OSBPL1A: variants seen among roughly 807,000 people sequenced by gnomAD.
OSBPL1A encodes the protein oxysterol binding protein like 1A.
OSBPL1A carries 80 observed loss-of-function variants against 137.1 expected under a neutral mutation model. The ratio of observed to expected loss-of-function variants is 0.58; its 90% CI spans 0.49 to 0.70. The LOEUF is 0.70. OSBPL1A is among the 30% of genes least tolerant of loss of function. The probability of loss-of-function intolerance (pLI) is 0.00; values close to 1 mark genes in which losing one functional copy is unlikely to be tolerated. For missense variants in OSBPL1A, 970 were observed against 1,129.4 expected (o/e 0.86, Z 2.02); for synonymous variants, 365 against 389.7 (o/e 0.94, Z 0.75).
chr18:24,299,998 T>C (rs1022251240), intron 14 of OSBPL1A, among the ~76,000 whole-genome samples: 1 of 152,234 alleles, frequency 6.6e-6, no homozygotes, highest in Middle Eastern at 3.2e-3. Context: ...TAAGGATGTA[T>C]GGAAGAATGG....
chr18:24,338,271 G>A (rs2091213297), intron 5 of OSBPL1A, among the ~76,000 whole-genome samples: 2 of 150,574 alleles, frequency 1.3e-5, no homozygotes, highest in East Asian at 1.9e-4. Flanking sequence ...TAGTAAAGAC[G>A]GGGTTTCACC....
chr18:24,282,389 AC>A (rs2089979028), intron 14 of OSBPL1A, among the ~76,000 whole-genome samples: 1 of 152,142 alleles, frequency 6.6e-6, no homozygotes, highest in Admixed American at 6.5e-5. Flanking sequence ...TCCTATTTGG[AC>A]CACTGTTTGG....
At chr18:24,317,097 T>G (rs1599658115) in intron 11 of OSBPL1A, 52 bp downstream of exon 11, 2 of 1,576,924 alleles carry the variant, frequency 1.3e-6, no homozygotes, top group South Asian at 2.2e-5. Context: ...GTCAATCACT[T>G]GAAGAACTGA....
chr18:24,212,008 A>G (rs2087559998), intron 17 of OSBPL1A, among the ~76,000 whole-genome samples: 1 of 152,112 alleles, frequency 6.6e-6, no homozygotes, highest in African/African-American at 2.4e-5. Flanking sequence ...AATGTCGAGG[A>G]ATATTTACAA....
intron 4 of OSBPL1A, among the ~76,000 whole-genome samples, chr18:24,343,764 A>G (rs145086582): frequency 3.7e-4 from 57 of 152,366 alleles, no homozygotes; most frequent in African/African-American, 1.3e-3. Flanking sequence ...CTGAATAACC[A>G]CATGCAGGAG....
At chr18:24,317,287 T>C (rs754947706) in intron 10 of OSBPL1A, 40 bp downstream of exon 10, 1 of 1,606,850 alleles carries the variant, frequency 6.2e-7, no homozygotes. Context: ...TCAAAATTTA[T>C]ACAGTGAAAT....
intron 4 of OSBPL1A, among the ~76,000 whole-genome samples, chr18:24,356,626 G>T (rs1447923222): frequency 1.3e-5 from 2 of 152,102 alleles, no homozygotes; most frequent in African/African-American, 2.4e-5. Flanking sequence ...CTTAGTTGTT[G>T]GTACAACCCT....
At chr18:24,263,071 T>C (rs971876411) in intron 15 of OSBPL1A, among the ~76,000 whole-genome samples, 3 of 152,220 alleles carry the variant, frequency 2.0e-5, no homozygotes, top group Admixed American at 6.5e-5. Context: ...CTGTATATGG[T>C]AAACATTGTT....
chr18:24,302,402 CT>C, intron 14 of OSBPL1A: 1 of 151,668 alleles, frequency 6.6e-6, no homozygotes, highest in South Asian at 2.1e-4. Context: ...TTTCTCAATA[CT>C]TAAGTTTGAT....
At chr18:24,384,876 AAAAAAAAAAAG>A (rs1906842138) in intron 1 of OSBPL1A, among the ~76,000 whole-genome samples, 2 of 149,166 alleles carry the variant, frequency 1.3e-5, no homozygotes, top group South Asian at 4.2e-4. Flanking sequence ...CTGTCTCGGA[AAAAAAAAAAAG>A]AAAAAAGAAA....
Position 24,273,190 on chromosome 18 carries a change from G to T in OSBPL1A, c.1281+7652C>A, listed in dbSNP as rs1442057965. On this transcript the variant is annotated intron_variant, in intron 15 of 27. Transcript: ENST00000319481. ...CCCAAAGTGCTGGGATTACAGGCGT[G>T]AGCCACCACGCCCAGCCTCATGGCA... Among the ~76,000 whole-genome samples the T allele has an allele frequency of 2.0e-5, 3 of 152,280 alleles. No individual in the cohort carries two copies. In the East Asian group the frequency reaches 5.8e-4, roughly 29 times the overall value.
At chr18:24,254,666 G>C (rs1479197919) in intron 15 of OSBPL1A, among the ~76,000 whole-genome samples, 1 of 152,020 alleles carries the variant, frequency 6.6e-6, no homozygotes, top group Non-Finnish European at 1.5e-5. Context: ...CAAAACCTAT[G>C]AGATACAGCG....
intron 16 of OSBPL1A, 43 bp downstream of exon 16, chr18:24,239,177 C>T: frequency 6.3e-7 from 1 of 1,599,532 alleles, no homozygotes; most frequent in African/African-American, 1.3e-5. Flanking sequence ...AGGTGGTGGA[C>T]TCTAAATCAC....
intron 15 of OSBPL1A, among the ~76,000 whole-genome samples, chr18:24,280,474 G>A (rs2089934713): frequency 6.6e-6 from 1 of 152,184 alleles, no homozygotes; most frequent in African/African-American, 2.4e-5. Context: ...ATTGGGCTTA[G>A]TTTACATAGA....
intron 17 of OSBPL1A, 38 bp from the exon 18 acceptor site, chr18:24,196,238 T>A (rs2087027103): frequency 7.0e-7 from 1 of 1,437,660 alleles, no homozygotes; most frequent in African/African-American, 1.4e-5. Flanking sequence ...TTCATTCTAA[T>A]GCCATTGTCA....
chr18:24,185,486 A>G (rs1407839947), intron 18 of OSBPL1A, among the ~76,000 whole-genome samples: 1 of 151,940 alleles, frequency 6.6e-6, no homozygotes, highest in Non-Finnish European at 1.5e-5. Flanking sequence ...CGCCCAGCTA[A>G]TTTTTTGTAT....
intron 17 of OSBPL1A, among the ~76,000 whole-genome samples, chr18:24,219,140 T>A (rs1003883475): frequency 6.6e-6 from 1 of 151,176 alleles, no homozygotes; most frequent in Non-Finnish European, 1.5e-5. Flanking sequence ...AAAAAAAAAA[T>A]TAATTAGCTA....
At chr18:24,208,240 G>A (rs2087431019) in intron 17 of OSBPL1A, among the ~76,000 whole-genome samples, 2 of 151,854 alleles carry the variant, frequency 1.3e-5, no homozygotes. Context: ...AATTACTGTA[G>A]TAATTAAAAA....
chr18:24,280,536 C>G (rs72884885), intron 15 of OSBPL1A, among the ~76,000 whole-genome samples: 6,400 of 152,264 alleles, frequency 0.042, 203 homozygotes, highest in African/African-American at 0.081. Context: ...AATGTAAAGA[C>G]CTTCTGTTTC....
Sources: gnomAD v4.1 joint callset for allele counts (sites outside exome capture counted in the v4.1 genomes callset) on GRCh38, gnomAD v4.1.1 for gene constraint, MANE v1.5 for transcripts, NCBI Gene and HGNC (gene_info 2026-07-23, HGNC 2026-07-21) for gene names.